Variants in GRIK4 observed in about 807,000 individuals in gnomAD.
GRIK4 encodes the protein glutamate receptor ionotropic, kainate 4.
GRIK4 carries 40 observed loss-of-function variants against 104.9 expected under a neutral mutation model. That is an observed-to-expected ratio of 0.38 (90% CI 0.30 to 0.50). The LOEUF (loss-of-function observed/expected upper bound fraction) is 0.50. Among genes scored for constraint, GRIK4 ranks in the 20% least tolerant of loss-of-function variants. GRIK4 has a pLI of 0.93. For missense variants in GRIK4, 1,047 were observed against 1,308.1 expected (o/e 0.80, Z 3.08); for synonymous variants, 485 against 524.9 (o/e 0.92, Z 1.04).
intron 3 of GRIK4, among the ~76,000 whole-genome samples, chr11:120,727,208 G>A (rs966958092): frequency 4.6e-5 from 7 of 152,148 alleles, no homozygotes; most frequent in Admixed American, 6.5e-5. Flanking sequence ...GAGCAGCCTC[G>A]TTCCTGCATA....
chr11:120,824,333 G>C (rs949695479), intron 6 of GRIK4, among the ~76,000 whole-genome samples: 2 of 152,174 alleles, frequency 1.3e-5, no homozygotes, highest in Non-Finnish European at 2.9e-5. Flanking sequence ...AGAGCTCACA[G>C]AGCCTGAGGG....
chr11:120,549,734 G>A lies in GRIK4; in HGVS notation c.-159+37847G>A, dbSNP rs1948121432. On this transcript the variant is annotated intron_variant, in intron 1 of 20. Coordinates refer to ENST00000527524, the MANE Select transcript of GRIK4 (RefSeq NM_014619.5). The surrounding 1 kb of genome is among the most constrained non-coding windows in gnomAD (Gnocchi z 4.7). ...TGCAGAGAAGGAGTGGGAGAGGTGG[G>A]CAGCTGCTGCAGACAGGGGACACAA... Among the ~76,000 whole-genome samples, 1 of 152,168 alleles carries A rather than the reference G, an allele frequency of 6.6e-6. No homozygotes were observed. Among genetic ancestry groups the A allele is most frequent in the Non-Finnish European group, 1.5e-5 (1 of 68,026 alleles).
At chr11:120,584,607 A>T (rs1948634165) in intron 1 of GRIK4, among the ~76,000 whole-genome samples, 2 of 152,218 alleles carry the variant, frequency 1.3e-5, no homozygotes, top group Non-Finnish European at 2.9e-5. Context: ...ACCACAAGGG[A>T]TCCACCCTCA....
chr11:120,602,236 T>C (rs1948898023), intron 1 of GRIK4, among the ~76,000 whole-genome samples: 1 of 152,198 alleles, frequency 6.6e-6, no homozygotes, highest in Admixed American at 6.5e-5. Context: ...CTAGTTTCTC[T>C]AAAATGATAA....
At chr11:120,620,406 A>T in intron 1 of GRIK4, 1 of 519,614 alleles carries the variant, frequency 1.9e-6, no homozygotes, top group Non-Finnish European at 3.5e-6. Context: ...CGTAGCTACC[A>T]TAACCCAGTC....
chr11:120,722,509 G>A (rs1339578912), intron 3 of GRIK4, among the ~76,000 whole-genome samples: 1 of 152,134 alleles, frequency 6.6e-6, no homozygotes, highest in Admixed American at 6.5e-5. Flanking sequence ...TTGGGAGGCT[G>A]AGGCAGGAGA....
intron 1 of GRIK4, among the ~76,000 whole-genome samples, chr11:120,628,593 A>C (rs561872169): frequency 1.3e-5 from 2 of 152,188 alleles, no homozygotes; most frequent in East Asian, 3.9e-4. Flanking sequence ...GTTGATGGTC[A>C]TGATGACACA....
intron 12 of GRIK4, among the ~76,000 whole-genome samples, chr11:120,900,700 A>G (rs1411056837): frequency 6.6e-6 from 1 of 151,998 alleles, no homozygotes; most frequent in Admixed American, 6.5e-5. Flanking sequence ...GGTGGAGGTG[A>G]GGACGCAGCC....
At chr11:120,894,081 A>C (rs1369919404) in intron 11 of GRIK4, among the ~76,000 whole-genome samples, 1 of 152,198 alleles carries the variant, frequency 6.6e-6, no homozygotes, top group Non-Finnish European at 1.5e-5. Context: ...ACTTTGAGAC[A>C]CCGTCCTAAT....
chr11:120,829,714 C>T (rs1379129268), intron 6 of GRIK4, among the ~76,000 whole-genome samples: 1 of 152,220 alleles, frequency 6.6e-6, no homozygotes, highest in Admixed American at 6.5e-5. Context: ...GAGTTCTCAT[C>T]CTCCTTTGCC....
In GRIK4 at chr11:120,967,191, G is replaced by T. The variant is rs757629159; in HGVS notation, c.2267-4G>T. On this transcript the variant is annotated splice_region_variant and splice_polypyrimidine_tract_variant and intron_variant, in intron 18 of 20. Coordinates refer to ENST00000527524, the MANE Select transcript of GRIK4 (RefSeq NM_014619.5). This position sits in a 1 kb window ranked among gnomAD's most constrained non-coding sequence, Gnocchi z 4.2. ...TGTCCTGGGCTCTCCCGTAACCCCCGCAGGCTCGGTTTTCCGGGACGAGTT... is the reference window on the plus strand; with the variant it reads ...TGTCCTGGGCTCTCCCGTAACCCCCTCAGGCTCGGTTTTCCGGGACGAGTT... 1 of 1,611,748 alleles carries T rather than the reference G, an allele frequency of 6.2e-7. No individual in the cohort carries two copies. The highest frequency in any genetic ancestry group is 8.5e-7 in the Non-Finnish European group (1 of 1,178,802).
intron 4 of GRIK4, among the ~76,000 whole-genome samples, chr11:120,813,944 G>A (rs981905205): frequency 3.9e-5 from 6 of 152,152 alleles, no homozygotes; most frequent in East Asian, 1.9e-4. Context: ...GTGTGTGCAC[G>A]GAGAATTCTT....
At chr11:120,745,030 C>G (rs1565327526) in intron 3 of GRIK4, among the ~76,000 whole-genome samples, 1 of 152,090 alleles carries the variant, frequency 6.6e-6, no homozygotes, top group African/African-American at 2.4e-5. Context: ...TTGTTCTGAA[C>G]CTGATGGGAC....
At chr11:120,681,255 C>T (rs12224951) in intron 3 of GRIK4, among the ~76,000 whole-genome samples, 19,519 of 152,098 alleles carry the variant, frequency 0.13, 1,360 homozygotes, top group South Asian at 0.23. Flanking sequence ...ACCAGGAAAG[C>T]TCAGGGTGCA....
chr11:120,836,659 A>G, intron 7 of GRIK4, 132 bp from the exon 8 acceptor site: 1 of 701,128 alleles, frequency 1.4e-6, no homozygotes, highest in East Asian at 2.5e-5. Context: ...AGAACTAATC[A>G]AGATGTTCTG....
chr11:120,737,443 C>T (rs1951246287), intron 3 of GRIK4, among the ~76,000 whole-genome samples: 1 of 152,162 alleles, frequency 6.6e-6, no homozygotes, highest in South Asian at 2.1e-4. Context: ...AGAACTTGAG[C>T]CTGATCAAGC....
At chr11:120,762,378 C>G (rs1489422413) in intron 3 of GRIK4, among the ~76,000 whole-genome samples, 1 of 152,230 alleles carries the variant, frequency 6.6e-6, no homozygotes. Context: ...ACAATCATGT[C>G]ATCTGCAAAC....
At chr11:120,925,915 A>G (rs1198670206) in intron 13 of GRIK4, among the ~76,000 whole-genome samples, 4 of 151,544 alleles carry the variant, frequency 2.6e-5, no homozygotes, top group African/African-American at 9.7e-5. Flanking sequence ...TGGAGGTTTC[A>G]GTGAGCCAAG....
chr11:120,620,709 T>C (rs1288077768), intron 1 of GRIK4, among the ~76,000 whole-genome samples: 1 of 152,196 alleles, frequency 6.6e-6, no homozygotes, highest in African/African-American at 2.4e-5. Context: ...AAATATTTAT[T>C]AGTATTTTGC....
Sources: allele counts gnomAD v4.1 joint callset (sites outside exome capture counted in the v4.1 genomes callset), GRCh38; gene constraint gnomAD v4.1.1; non-coding constraint Gnocchi (gnomAD v3.1); transcripts MANE v1.5; gene names NCBI Gene and HGNC (gene_info 2026-07-23, HGNC 2026-07-21).